Variants in ERC1 observed in about 807,000 individuals in gnomAD.
ERC1 encodes ELKS/RAB6-interacting/CAST family member 1, also known as RAB6 interacting protein 2.
A neutral mutation model predicts 132.0 loss-of-function variants in ERC1; 56 were observed. The observed-to-expected ratio is 0.42, with a 90% CI of 0.34 to 0.53. ERC1 has a LOEUF of 0.53. Ranked by LOEUF, ERC1 falls within the 20% of genes least tolerant of loss-of-function variation. ERC1 has a pLI of 0.03. For synonymous variants in ERC1, 478 were observed against 476.1 expected (o/e 1.00, Z -0.05); for missense variants, 1,202 against 1,349.9 (o/e 0.89, Z 1.72).
intron 3 of ERC1, among the ~76,000 whole-genome samples, chr12:1,101,256 C>T (rs944161431): frequency 6.6e-6 from 1 of 152,070 alleles, no homozygotes; most frequent in South Asian, 2.1e-4. Context: ...TACATAGGTC[C>T]CAGAGCCTCT....
intron 1 of ERC1, among the ~76,000 whole-genome samples, chr12:1,009,115 A>G (rs1484225819): frequency 4.6e-5 from 7 of 152,154 alleles, no homozygotes; most frequent in Admixed American, 4.6e-4. Context: ...AACAAAATCG[A>G]TAAAAGCATC....
At chr12:1,316,575 T>C (rs1338836588) in intron 15 of ERC1, among the ~76,000 whole-genome samples, 1 of 152,170 alleles carries the variant, frequency 6.6e-6, no homozygotes, top group Non-Finnish European at 1.5e-5. Flanking sequence ...CATTTCAAAA[T>C]TGCTGTTGTT....
At chr12:1,366,262 A>G (rs1212941020) in intron 15 of ERC1, among the ~76,000 whole-genome samples, 1 of 152,244 alleles carries the variant, frequency 6.6e-6, no homozygotes, top group Non-Finnish European at 1.5e-5. Context: ...TAAACAGACC[A>G]ATAAACCAGA....
intron 15 of ERC1, among the ~76,000 whole-genome samples, chr12:1,298,302 G>A (rs941800742): frequency 1.3e-5 from 2 of 152,066 alleles, no homozygotes; most frequent in African/African-American, 2.4e-5. Context: ...AGCACTTTGG[G>A]AGCCCAAGGC....
chr12:1,178,316 G>A (rs999658166), intron 8 of ERC1, among the ~76,000 whole-genome samples: 5 of 152,058 alleles, frequency 3.3e-5, no homozygotes, highest in African/African-American at 4.8e-5. Context: ...TATAGTTTAT[G>A]GAAGTCCAAA....
chr12:1,146,308 GT>G (rs1172108036), intron 8 of ERC1, among the ~76,000 whole-genome samples: 680 of 31,788 alleles, frequency 0.021, 2 homozygotes, highest in Non-Finnish European at 0.03. Flanking sequence ...TATTTTACTG[GT>G]TTTTTTTTTT....
chr12:1,033,566 C>T (rs1409519709), intron 2 of ERC1, among the ~76,000 whole-genome samples: 2 of 151,766 alleles, frequency 1.3e-5, no homozygotes, highest in African/African-American at 4.8e-5. Context: ...CGGGTTCAAG[C>T]GATTCTTCTG....
Position 1,112,273 on chromosome 12 carries a change from A to G in ERC1, c.1376A>G (p.Lys459Arg). 6.2e-7 allele frequency: 1 copy of G among 1,613,152 alleles called. No individual in the cohort carries two copies. The highest frequency in any genetic ancestry group is 8.5e-7 in the Non-Finnish European group (1 of 1,179,240). ...GAGGCTCAATGGGAGGAGCTGAAAA[A>G]GAAAGCGGCTGGTCTTCAGGCTGAG... ...SKEAQWEELK[K>R]KAAGLQAEIG... Residue 459 changes from lysine to arginine, a missense_variant, in exon 6 of 19, where the codon AAG becomes AGG. Coordinates refer to ENST00000360905, the MANE Select transcript of ERC1 (RefSeq NM_178040.4).
Position 1,248,907 on chromosome 12 carries a change from C to G in ERC1, c.2487+12003C>G, listed in dbSNP as rs552042383. On this transcript the variant is annotated intron_variant, in intron 13 of 18. Coordinates refer to ENST00000360905, the MANE Select transcript of ERC1 (RefSeq NM_178040.4). ...ATATTTAAAAAAAAATTTTTGGAGA[C>G]AGACTCGCTCTGTCACTCAGGCTGC... Among the ~76,000 whole-genome samples, 245 of 152,184 alleles carry G rather than the reference C, an allele frequency of 1.6e-3. 1 individual carries two copies. Among genetic ancestry groups the G allele is most frequent in the African/African-American group, 5.6e-3 (234 of 41,514 alleles).
chr12:1,397,311 T>C (rs114125363), intron 16 of ERC1, among the ~76,000 whole-genome samples: 149 of 152,292 alleles, frequency 9.8e-4, no homozygotes, highest in African/African-American at 3.4e-3. Context: ...TTCTAGAAAT[T>C]GGTCCCACAG....
chr12:1,401,944 A>C (rs962307191), intron 16 of ERC1, among the ~76,000 whole-genome samples: 1 of 152,134 alleles, frequency 6.6e-6, no homozygotes, highest in African/African-American at 2.4e-5. Flanking sequence ...TATCAAAGAG[A>C]GATTAGGAGA....
chr12:1,465,715 TG>T (rs201940234), intron 18 of ERC1, among the ~76,000 whole-genome samples: 2,543 of 152,214 alleles, frequency 0.017, 69 homozygotes, highest in African/African-American at 0.059. Context: ...CCTAGAGAGG[TG>T]GGGGCAGTGT....
chr12:1,309,426 T>C (rs1566551578), intron 15 of ERC1, among the ~76,000 whole-genome samples: 1 of 152,328 alleles, frequency 6.6e-6, no homozygotes, highest in East Asian at 1.9e-4. Context: ...ATAATAAGTA[T>C]TGATGACATC....
At chr12:1,397,703 A>G (rs565557875) in intron 16 of ERC1, among the ~76,000 whole-genome samples, 1 of 152,236 alleles carries the variant, frequency 6.6e-6, no homozygotes, top group Admixed American at 6.5e-5. Context: ...AAAAGGAGGG[A>G]ACAGGATAGA....
rs1226706087 is a variant in ERC1, at chr12:1,289,884, A to T, written c.2652A>T (p.Val884=). ...VEELLMAMEK[V]KQELESMKAK... is the part of the protein sequence containing the mutation. ...AGTTACTGATGGCCATGGAGAAGGTAAAGCAGGAACTAGAATCCATGAAAG... is the reference window on the plus strand; with the variant it reads ...AGTTACTGATGGCCATGGAGAAGGTTAAGCAGGAACTAGAATCCATGAAAG... The change falls in exon 15 of 19, where the codon GTA becomes GTT. Residue 884 remains valine, a synonymous_variant. Transcript: ENST00000360905. 1.9e-6 allele frequency: 3 copies of T among 1,613,894 alleles called. No homozygotes were observed. The highest frequency in any genetic ancestry group is 8.5e-7 in the Non-Finnish European group (1 of 1,179,762).
At chr12:1,305,670 G>A (rs1044955072) in intron 15 of ERC1, among the ~76,000 whole-genome samples, 2 of 152,030 alleles carry the variant, frequency 1.3e-5, no homozygotes, top group Non-Finnish European at 2.9e-5. Flanking sequence ...GGTCATGTTG[G>A]GTTCCTTCAC....
chr12:1,202,461 C>T (rs990228619), intron 12 of ERC1, among the ~76,000 whole-genome samples: 8 of 151,936 alleles, frequency 5.3e-5, no homozygotes, highest in Admixed American at 2.0e-4. Context: ...AGTTCGAGAC[C>T]AGCTTAGGCA....
intron 13 of ERC1, among the ~76,000 whole-genome samples, chr12:1,238,092 G>A (rs1378276806): frequency 6.6e-6 from 1 of 151,064 alleles, no homozygotes; most frequent in Non-Finnish European, 1.5e-5. Flanking sequence ...AAAGCAGCAT[G>A]CCCGTTTTTC....
At chr12:1,482,366 T>C (rs746356018) in intron 18 of ERC1, among the ~76,000 whole-genome samples, 1 of 151,842 alleles carries the variant, frequency 6.6e-6, no homozygotes, top group Admixed American at 6.6e-5. Context: ...TAGCATTTTA[T>C]CTCTACCTAT....
Sources: gnomAD v4.1 joint callset for allele counts (sites outside exome capture counted in the v4.1 genomes callset) on GRCh38, gnomAD v4.1.1 for gene constraint, MANE v1.5 for transcripts, NCBI Gene and HGNC (gene_info 2026-07-23, HGNC 2026-07-21) for gene names.